Variants in TMEM109 observed in about 807,000 individuals in gnomAD.
TMEM109 encodes the protein transmembrane protein 109.
A neutral mutation model predicts 26.4 loss-of-function variants in TMEM109; 19 were observed. The observed-to-expected ratio is 0.72, with a 90% CI of 0.50 to 1.06. The LOEUF (loss-of-function observed/expected upper bound fraction) is 1.06. TMEM109 is among the 50% of genes least tolerant of loss of function. TMEM109 has a pLI of 0.00. For synonymous variants in TMEM109, 129 were observed against 142.0 expected, an observed-to-expected ratio of 0.91 and a Z score of 0.65; for missense variants, 262 against 303.4, an observed-to-expected ratio of 0.86 and a Z score of 1.01.
At chr11:60,920,785 T>G in intron 2 of TMEM109, 101 bp from the exon 3 acceptor site, 213 of 1,073,000 alleles carry the variant, frequency 2.0e-4, no homozygotes, top group Non-Finnish European at 2.7e-4. Flanking sequence ...GAAACAGGTC[T>G]GAGACATTCC....
chr11:60,918,919 C>T lies in TMEM109; in HGVS notation c.-8-767C>T, dbSNP rs538979203. 2.6e-5 allele frequency: 4 copies of T among 152,384 alleles called. No individual in the cohort carries two copies. The East Asian group carries it at 5.8e-4, about 22-fold the overall frequency. The allele number at this position is 152,384 out of a possible 1,614,324, so 9.4% of individuals were successfully genotyped here. A position where few individuals can be genotyped will look rare whatever the true frequency, so the allele number is the denominator to read the frequency against. ...GATATCAGAACCTCTGGGCTGGGGACACAGACATCAGTACTTGGGAAGCTT... is the reference window on the plus strand; with the variant it reads ...GATATCAGAACCTCTGGGCTGGGGATACAGACATCAGTACTTGGGAAGCTT... On this transcript the variant is annotated intron_variant, in intron 1 of 3. Coordinates refer to ENST00000227525, the MANE Select transcript of TMEM109 (RefSeq NM_024092.3).
intron 1 of TMEM109, among the ~76,000 whole-genome samples, chr11:60,916,001 T>C (rs1856171043): frequency 6.6e-6 from 1 of 152,208 alleles, no homozygotes; most frequent in South Asian, 2.1e-4. Flanking sequence ...TCTCCTGGTA[T>C]GTGTTCCCTC....
chr11:60,921,371 G>A (rs1203095732), intron 3 of TMEM109, among the ~76,000 whole-genome samples: 1 of 152,086 alleles, frequency 6.6e-6, no homozygotes, highest in Non-Finnish European at 1.5e-5. Flanking sequence ...AGTGAGCCGG[G>A]ATCACGTCAC....
At chr11:60,921,043 T>A in intron 3 of TMEM109, 55 bp downstream of exon 3, 1 of 1,455,628 alleles carries the variant, frequency 6.9e-7, no homozygotes. Context: ...CTTTCCTACT[T>A]GTGGGAGTTC....
intron 1 of TMEM109, among the ~76,000 whole-genome samples, chr11:60,915,711 AAAAGG>A (rs1765511715): frequency 1.3e-5 from 2 of 152,204 alleles, no homozygotes; most frequent in Admixed American, 6.5e-5. Flanking sequence ...TGAAACTAAC[AAAAGG>A]AAAGAGAAGA....
rs769045944 is a variant in TMEM109, at chr11:60,920,882, A to G, written c.238-4A>G. 5 of 1,613,380 alleles carry G rather than the reference A, an allele frequency of 3.1e-6. No homozygotes were observed. Among genetic ancestry groups the G allele is most frequent in the Admixed American group, 3.3e-5 (2 of 60,006 alleles). On this transcript the variant is annotated splice_region_variant and splice_polypyrimidine_tract_variant and intron_variant, in intron 2 of 3. Coordinates refer to ENST00000227525, the MANE Select transcript of TMEM109 (RefSeq NM_024092.3). ...ACTCATCTCGCTCCGTGCTCTTTCCACAGTCTTCGTCCCAAGTGTTGTGGG... is the reference window on the plus strand; with the variant it reads ...ACTCATCTCGCTCCGTGCTCTTTCCGCAGTCTTCGTCCCAAGTGTTGTGGG...
At chr11:60,916,460 C>T (rs1856176073) in intron 1 of TMEM109, among the ~76,000 whole-genome samples, 1 of 152,182 alleles carries the variant, frequency 6.6e-6, no homozygotes, top group Admixed American at 6.5e-5. Context: ...CTCTCAGAGG[C>T]TGAGACTGTT....
intron 2 of TMEM109, 79 bp from the exon 3 acceptor site, chr11:60,920,807 C>A: frequency 8.0e-7 from 1 of 1,248,666 alleles, no homozygotes; most frequent in Non-Finnish European, 1.2e-6. Context: ...GCAGTTCTTG[C>A]CTGGACAGTG....
chr11:60,923,206 G>C lies in TMEM109; in HGVS notation c.*1041G>C, dbSNP rs1172640648. On this transcript the variant is annotated 3_prime_UTR_variant, in exon 4 of 4. Coordinates refer to ENST00000227525, the MANE Select transcript of TMEM109 (RefSeq NM_024092.3). ...AGCTGCCAGCTGCCCCTCTCCACCAGGGTACCCTGTCTTGGTGGTTAGGGG... is the reference window on the plus strand; with the variant it reads ...AGCTGCCAGCTGCCCCTCTCCACCACGGTACCCTGTCTTGGTGGTTAGGGG... 1 of 152,664 alleles carries C rather than the reference G, an allele frequency of 6.6e-6. No individual in the cohort carries two copies. The highest frequency in any genetic ancestry group is 1.5e-5 in the Non-Finnish European group (1 of 68,040). The allele number at this position is 152,664 out of a possible 1,614,324, so 9.5% of individuals were successfully genotyped here.
chr11:60,921,522 A>T (rs1856238131), intron 3 of TMEM109, among the ~76,000 whole-genome samples: 1 of 152,192 alleles, frequency 6.6e-6, no homozygotes, highest in Admixed American at 6.5e-5. Context: ...TGCCAGCCAC[A>T]GTACAGGGAG....
At chr11:60,918,833 C>T (rs1856201467) in intron 1 of TMEM109, 1 of 152,184 alleles carries the variant, frequency 6.6e-6, no homozygotes, top group African/African-American at 2.4e-5. Context: ...TTCTCAACTT[C>T]ATGCAGTGGA....
chr11:60,920,793 T>C, intron 2 of TMEM109, 93 bp from the exon 3 acceptor site: 1 of 1,125,028 alleles, frequency 8.9e-7, no homozygotes, highest in South Asian at 1.3e-5. Flanking sequence ...TCTGAGACAT[T>C]CCTGCAGTTC....
chr11:60,921,271 A>G (rs1856234293), intron 3 of TMEM109, among the ~76,000 whole-genome samples: 1 of 152,156 alleles, frequency 6.6e-6, no homozygotes, highest in Non-Finnish European at 1.5e-5. Context: ...TCTATAAAAA[A>G]TTAGCCAAGC....
In TMEM109 at chr11:60,919,842, C is replaced by CAGTTGAT. The variant is rs1856214360; in HGVS notation, c.150_156dup (p.Val53SerfsTer2). Reference sequence around the variant, plus strand: ...CCAGGCCAACAGAAGAGAGAAGCCCCAGTTGATGTCTTGACCCAGATAGGT... The same window carrying CAGTTGAT: ...CCAGGCCAACAGAAGAGAGAAGCCCCAGTTGATAGTTGATGTCTTGACCCAGATAGGT... On this transcript the variant is annotated frameshift_variant, in exon 2 of 4. Coordinates refer to ENST00000227525, the MANE Select transcript of TMEM109 (RefSeq NM_024092.3). LOFTEE classifies it high-confidence loss of function. 1 of 1,614,092 alleles carries CAGTTGAT rather than the reference C, an allele frequency of 6.2e-7. No homozygotes were observed. The highest frequency in any genetic ancestry group is 1.3e-5 in the African/African-American group (1 of 74,926).
Position 60,922,003 on chromosome 11 carries a change from G to A in TMEM109, c.570G>A (p.Leu190=). 1 of 1,613,308 alleles carries A rather than the reference G, an allele frequency of 6.2e-7. No homozygotes were observed. The highest frequency in any genetic ancestry group is 8.5e-7 in the Non-Finnish European group (1 of 1,179,992). Residue 190 remains leucine (L), a synonymous_variant, in exon 4 of 4, where the codon CTG becomes CTA. Transcript: ENST00000227525. ...PDPSTRALLL[L]ALLILYALLS... is the part of the protein sequence containing the mutation. ...CTTCCACCCGGGCCCTGCTACTCCT[G>A]GCCTTGCTGATCCTCTACGCCCTGC... is the stretch of plus-strand genomic sequence containing the variant.
intron 3 of TMEM109, among the ~76,000 whole-genome samples, chr11:60,921,349 G>C (rs1220838706): frequency 6.6e-6 from 1 of 152,160 alleles, no homozygotes; most frequent in East Asian, 1.9e-4. Context: ...GAGCCCAGGA[G>C]GTAGAGGTTG....
intron 1 of TMEM109, chr11:60,918,692 C>T: frequency 6.6e-6 from 1 of 151,420 alleles, no homozygotes; most frequent in East Asian, 1.9e-4. Context: ...GATCCAACAT[C>T]CTTGGCTGGA....
In TMEM109 at chr11:60,922,261, C is replaced by T. The variant is rs1345213193; in HGVS notation, c.*96C>T. The T allele has an allele frequency of 2.6e-6, 4 of 1,546,760 alleles. No homozygotes were observed. The highest frequency in any genetic ancestry group is 3.5e-6 in the Non-Finnish European group (4 of 1,146,832). On this transcript the variant is annotated 3_prime_UTR_variant, in exon 4 of 4. Transcript: ENST00000227525. ...GCCAGCCCCCTGCCCTTTTCTTGCC[C>T]TGTCTCTGAACCTTCAGAACATTGA...
intron 1 of TMEM109, among the ~76,000 whole-genome samples, chr11:60,914,786 C>T (rs1856155081): frequency 6.6e-6 from 1 of 152,274 alleles, no homozygotes; most frequent in African/African-American, 2.4e-5. Context: ...GAAGCTGCCC[C>T]TTTGCCGTCG....
Sources: allele counts gnomAD v4.1 joint callset (sites outside exome capture counted in the v4.1 genomes callset), GRCh38; gene constraint gnomAD v4.1.1; transcripts MANE v1.5; gene names NCBI Gene and HGNC (gene_info 2026-07-23, HGNC 2026-07-21).